Variants in PRDM7 observed in about 807,000 individuals in gnomAD.
PRDM7 encodes PR/SET domain 7.
PRDM7 carries 52 observed loss-of-function variants against 64.3 expected under a neutral mutation model. The ratio of observed to expected loss-of-function variants is 0.81; its 90% confidence interval spans 0.65 to 1.02. The LOEUF is 1.02. Among genes scored for constraint, PRDM7 ranks in the 50% least tolerant of loss-of-function variants. PRDM7 has a pLI of 0.00. For synonymous variants in PRDM7, 192 were observed against 210.1 expected, an observed-to-expected ratio of 0.91 and a Z score of 0.74; for missense variants, 574 against 597.1, an observed-to-expected ratio of 0.96 and a Z score of 0.40.
intron 4 of PRDM7, among the ~76,000 whole-genome samples, chr16:90,073,437 T>C (rs2037990687): frequency 6.6e-6 from 1 of 151,664 alleles, no homozygotes. Flanking sequence ...TCTCGCTCTG[T>C]CGCCCAGGCC....
At chr16:90,065,395 A>G (rs927911920) in intron 5 of PRDM7, among the ~76,000 whole-genome samples, 3 of 24,340 alleles carry the variant, frequency 1.2e-4, no homozygotes, top group South Asian at 1.6e-3. Flanking sequence ...CTCTGTCTGA[A>G]AAAAAAAAAA....
In PRDM7 at chr16:90,057,980, A is replaced by C; in HGVS notation, c.*309T>G. 6.2e-7 allele frequency: 1 copy of C among 1,604,948 alleles called. No individual in the cohort carries two copies. Among genetic ancestry groups the C allele is most frequent in the Non-Finnish European group, 8.5e-7 (1 of 1,174,026 alleles). On this transcript the variant is annotated 3_prime_UTR_variant, in exon 11 of 11. Transcript: ENST00000449207. Reference sequence around the variant, plus strand: ...TGTGTGTGTCCTCTGGTGACTGAGGAGGTCTGACTTCCGGCTAAAGCCCTC... The same window carrying C: ...TGTGTGTGTCCTCTGGTGACTGAGGCGGTCTGACTTCCGGCTAAAGCCCTC...
At chr16:90,073,389 A>G (rs1178962310) in intron 4 of PRDM7, among the ~76,000 whole-genome samples, 2 of 151,940 alleles carry the variant, frequency 1.3e-5, no homozygotes, top group Non-Finnish European at 2.9e-5. Context: ...TTTTTTTTAA[A>G]AAAAGAATGA....
At chr16:90,062,911 C>G (rs918561593) in intron 6 of PRDM7, among the ~76,000 whole-genome samples, 1 of 152,120 alleles carries the variant, frequency 6.6e-6, no homozygotes, top group South Asian at 2.1e-4. Context: ...AATGTAGAAA[C>G]GCACAAAAGA....
At chr16:90,073,699 A>G (rs2037994903) in intron 4 of PRDM7, among the ~76,000 whole-genome samples, 1 of 151,810 alleles carries the variant, frequency 6.6e-6, no homozygotes. Context: ...TTGAACATTT[A>G]TGTTTTTGAG....
Position 90,058,218 on chromosome 16 carries a change from A to G in PRDM7, c.*71T>C, listed in dbSNP as rs908207121. The G allele has an allele frequency of 1.2e-5, 19 of 1,613,984 alleles. No individual in the cohort carries two copies. In the African/African-American group the frequency reaches 2.4e-4, roughly 20 times the overall value. ...CTTCCATCATTCTTTCTCCCACTCT[A>G]GAGCTCCCCATTTGTCCTTTGGGTG... On this transcript the variant is annotated 3_prime_UTR_variant, in exon 11 of 11. Coordinates refer to ENST00000449207, the MANE Select transcript of PRDM7 (RefSeq NM_001098173.2).
chr16:90,069,553 C>T (rs1396979336), intron 4 of PRDM7, among the ~76,000 whole-genome samples: 1 of 151,234 alleles, frequency 6.6e-6, no homozygotes, highest in Non-Finnish European at 1.5e-5. Flanking sequence ...AGAAAACAAT[C>T]AACACAGTGT....
At chr16:90,068,239 A>G (rs1324580481) in intron 4 of PRDM7, among the ~76,000 whole-genome samples, 6 of 150,694 alleles carry the variant, frequency 4.0e-5, no homozygotes, top group African/African-American at 1.2e-4. Flanking sequence ...AGATCATGCT[A>G]CTGCACTCCA....
Position 90,076,675 on chromosome 16 carries a change from A to C in PRDM7, c.-86+551T>G, listed in dbSNP as rs140153409. Among the ~76,000 whole-genome samples the C allele has an allele frequency of 1.8e-4, 28 of 152,096 alleles. No individual in the cohort carries two copies. The East Asian group carries it at 4.6e-3, about 25-fold the overall frequency. The stretch of plus-strand genomic sequence containing the variant: ...AGATTAGGGGTCTTTTAGGCTGAAG[A>C]GATCTGGGGTGCTCTAGTTGACAGG... On this transcript the variant is annotated intron_variant, in intron 1 of 10. Transcript: ENST00000449207.
chr16:90,064,477 G>T (rs1243234542), intron 5 of PRDM7, among the ~76,000 whole-genome samples: 15 of 152,268 alleles, frequency 9.9e-5, no homozygotes, highest in Admixed American at 9.8e-4. Flanking sequence ...GCAGTGGCAT[G>T]ATTTCAGCTC....
rs2037708059 is a variant in PRDM7, at chr16:90,057,907, C to A, written c.*382G>T. On this transcript the variant is annotated 3_prime_UTR_variant, in exon 11 of 11. Transcript: ENST00000449207. ...TCTGGTGAATGAGGAGGACTGACTTCCGGCTAAAGCCCCGCTCACACTCTC... is the reference window on the plus strand; with the variant it reads ...TCTGGTGAATGAGGAGGACTGACTTACGGCTAAAGCCCCGCTCACACTCTC... The A allele has an allele frequency of 2.6e-6, 4 of 1,562,954 alleles. No homozygotes were observed. The South Asian group carries it at 4.4e-5, about 17-fold the overall frequency.
chr16:90,075,118 C>G lies in PRDM7; in HGVS notation c.194-95G>C. ...GGAAAGCACCACAAAGCCAGTGCTGCTCAGTCTGATGAGCTGGGAGAGTCT... is the reference window on the plus strand; with the variant it reads ...GGAAAGCACCACAAAGCCAGTGCTGGTCAGTCTGATGAGCTGGGAGAGTCT... On this transcript the variant is annotated intron_variant, in intron 3 of 10. Coordinates refer to ENST00000449207, the MANE Select transcript of PRDM7 (RefSeq NM_001098173.2). This position sits in a 1 kb window ranked among gnomAD's most constrained non-coding sequence, Gnocchi z 4.3. 1 of 1,410,132 alleles carries G rather than the reference C, an allele frequency of 7.1e-7. No individual in the cohort carries two copies. Among genetic ancestry groups the G allele is most frequent in the Non-Finnish European group, 1.0e-6 (1 of 1,004,572 alleles). The allele number at this position is 1,410,132 out of a possible 1,614,324, so 87.4% of individuals were successfully genotyped here.
rs562117845 is a variant in PRDM7, at chr16:90,075,811, G to A, written c.69+31C>T. On this transcript the variant is annotated intron_variant, in intron 2 of 10. Transcript: ENST00000449207. This position sits in a 1 kb window ranked among gnomAD's most constrained non-coding sequence, Gnocchi z 4.3. ...GCACTCCAGAGATCAGCTCCTGCTG[G>A]GAGTCTGGCTTCGCCTCCCCGACTT... is the stretch of plus-strand genomic sequence containing the variant. 6.2e-7 allele frequency: 1 copy of A among 1,607,204 alleles called. No individual in the cohort carries two copies. Among genetic ancestry groups the A allele is most frequent in the African/African-American group, 1.3e-5 (1 of 74,878 alleles).
Position 90,075,893 on chromosome 16 carries a change from G to A in PRDM7, c.18C>T (p.Ser6=). 6.2e-7 allele frequency: 1 copy of A among 1,613,916 alleles called. No individual in the cohort carries two copies. The stretch of plus-strand genomic sequence containing the variant: ...TGTCTCCTTCTGGGCTCTCCTCTTG[G>A]GACCTTTCAGGGCTCATGGTGCTGG... MSPER[S]QEESPEGDTE... Residue 6 remains serine, a synonymous_variant, in exon 2 of 11, where the codon TCC becomes TCT. Coordinates refer to ENST00000449207, the MANE Select transcript of PRDM7 (RefSeq NM_001098173.2). This position sits in a 1 kb window ranked among gnomAD's most constrained non-coding sequence, Gnocchi z 4.3.
Position 90,057,935 on chromosome 16 carries a change from C to A in PRDM7, c.*354G>T. 6.3e-7 allele frequency: 1 copy of A among 1,587,278 alleles called. No homozygotes were observed. Among genetic ancestry groups the A allele is most frequent in the Non-Finnish European group, 8.6e-7 (1 of 1,162,016 alleles). On this transcript the variant is annotated 3_prime_UTR_variant, in exon 11 of 11. Transcript: ENST00000449207. ...GCTAAAGCCCCGCTCACACTCTCTG[C>A]AGACATAAGGCTTCTCCCCTGTGTG...
rs147513975 is a variant in PRDM7, at chr16:90,057,677, G to A, written c.*612C>T. ...CCTCAACTCTAGTCATGAAAGTGGCGGATTTGTTTAATTAGTTATTTCCGA... is the reference window on the plus strand; with the variant it reads ...CCTCAACTCTAGTCATGAAAGTGGCAGATTTGTTTAATTAGTTATTTCCGA... On this transcript the variant is annotated 3_prime_UTR_variant, in exon 11 of 11. Transcript: ENST00000449207. The A allele has an allele frequency of 1.5e-3, 1,772 of 1,146,398 alleles. 3 individuals carry two copies. The highest frequency in any genetic ancestry group is 8.1e-3 in the African/African-American group (498 of 61,718). 71.0% of individuals were successfully genotyped at this position (1,146,398 alleles called of 1,614,324 possible). A position where few individuals can be genotyped will look rare whatever the true frequency, so the allele number is the denominator to read the frequency against.
At chr16:90,061,740 C>G (rs751683876) in intron 8 of PRDM7, among the ~76,000 whole-genome samples, 181 bp downstream of exon 8, 13 of 152,234 alleles carry the variant, frequency 8.5e-5, no homozygotes, top group Non-Finnish European at 1.5e-4. Flanking sequence ...TTGTACCACT[C>G]TGCTCCCATG....
rs530811333 is a variant in PRDM7, at chr16:90,057,663, G to A, written c.*626C>T. On this transcript the variant is annotated 3_prime_UTR_variant, in exon 11 of 11. Coordinates refer to ENST00000449207, the MANE Select transcript of PRDM7 (RefSeq NM_001098173.2). ...TATCCCCTGTTCTTCCTCAACTCTAGTCATGAAAGTGGCGGATTTGTTTAA... is the reference window on the plus strand; with the variant it reads ...TATCCCCTGTTCTTCCTCAACTCTAATCATGAAAGTGGCGGATTTGTTTAA... 1.9e-4 allele frequency: 210 copies of A among 1,120,744 alleles called. 2 individuals carry two copies. The highest frequency in any genetic ancestry group is 6.2e-5 in the Non-Finnish European group (55 of 882,278). 69.4% of individuals were successfully genotyped at this position (1,120,744 alleles called of 1,614,324 possible). A position where few individuals can be genotyped will look rare whatever the true frequency, so the allele number is the denominator to read the frequency against.
At chr16:90,061,857 T>G in intron 8 of PRDM7, 64 bp downstream of exon 8, 1 of 1,604,808 alleles carries the variant, frequency 6.2e-7, no homozygotes. Context: ...GAAGGTGATG[T>G]CCCATCAAAG....
Sources: allele counts gnomAD v4.1 joint callset (sites outside exome capture counted in the v4.1 genomes callset), GRCh38; gene constraint gnomAD v4.1.1; non-coding constraint Gnocchi (gnomAD v3.1); transcripts MANE v1.5; gene names NCBI Gene and HGNC (gene_info 2026-07-23, HGNC 2026-07-21).